DYDC2: variants seen among roughly 807,000 people sequenced by gnomAD.
DYDC2 encodes the protein DPY30 domain-containing protein 2.
DYDC2 carries 19 observed loss-of-function variants against 18.7 expected under a neutral mutation model. The ratio of observed to expected loss-of-function variants is 1.02; its 90% CI spans 0.71 to 1.49. The LOEUF is 1.49. Among genes scored for constraint, DYDC2 ranks in the 40% most tolerant of loss-of-function variants. The pLI is 0.00. For missense variants in DYDC2, 179 were observed against 205.1 expected, an observed-to-expected ratio of 0.87 and a Z score of 0.78; for synonymous variants, 63 against 67.6, an observed-to-expected ratio of 0.93 and a Z score of 0.34.
chr10:80,353,660 G>T (rs1843150454), upstream of DYDC2, among the ~76,000 whole-genome samples: 1 of 150,920 alleles, frequency 6.6e-6, no homozygotes, highest in South Asian at 2.1e-4. Context: ...GACCATCCTG[G>T]CTAACGGATC....
Position 80,366,974 on chromosome 10 carries a change from G to A in DYDC2, c.*23G>A, listed in dbSNP as rs762059512. Reference sequence around the variant, plus strand: ...TAGGTTACAGAAGGTAGATGCTTCTGATTTACTTCTCTCAAAGCTAGAAGC... The same window carrying A: ...TAGGTTACAGAAGGTAGATGCTTCTAATTTACTTCTCTCAAAGCTAGAAGC... On this transcript the variant is annotated 3_prime_UTR_variant, in exon 5 of 5. Transcript: ENST00000256039. 1 of 1,585,148 alleles carries A rather than the reference G, an allele frequency of 6.3e-7. No homozygotes were observed. The highest frequency in any genetic ancestry group is 2.2e-5 in the East Asian group (1 of 44,666).
intron 2 of DYDC2, among the ~76,000 whole-genome samples, chr10:80,359,037 G>A (rs941853436): frequency 2.0e-5 from 3 of 152,202 alleles, no homozygotes; most frequent in Admixed American, 6.5e-5. Flanking sequence ...AGCTTCCAGT[G>A]TGGAAGGGAA....
At chr10:80,348,736 G>A (rs1365253869) in intron 1 of DYDC2, among the ~76,000 whole-genome samples, 1 of 152,162 alleles carries the variant, frequency 6.6e-6, no homozygotes, top group African/African-American at 2.4e-5. Context: ...CAAACAGCAA[G>A]AGAAAAACAA....
Position 80,362,599 on chromosome 10 carries a change from G to A in DYDC2, c.147+9G>A. 6.3e-7 allele frequency: 1 copy of A among 1,599,424 alleles called. No individual in the cohort carries two copies. Among genetic ancestry groups the A allele is most frequent in the Non-Finnish European group, 8.6e-7 (1 of 1,168,982 alleles). Reference sequence around the variant, plus strand: ...CAAAAGCAAAAGAAGAGGTGTGTATGTGCACTGGGACTTAGGGAGGGCCCA... The same window carrying A: ...CAAAAGCAAAAGAAGAGGTGTGTATATGCACTGGGACTTAGGGAGGGCCCA... On this transcript the variant is annotated intron_variant, in intron 3 of 4. Coordinates refer to ENST00000256039, the MANE Select transcript of DYDC2 (RefSeq NM_032372.6).
At chr10:80,356,535 G>A (rs1843378505), upstream of DYDC2, 1 of 985,520 alleles carries the variant, frequency 1.0e-6, no homozygotes, top group Non-Finnish European at 1.2e-6. Context: ...CTCAGGGGGA[G>A]CAGGAGGACA....
At chr10:80,357,782 A>C in intron 1 of DYDC2, 111 bp from the exon 2 acceptor site, 2 of 985,638 alleles carry the variant, frequency 2.0e-6, no homozygotes, top group Non-Finnish European at 2.4e-6. Flanking sequence ...AGAGGCCTTA[A>C]TAGATGTTAG....
At chr10:80,351,227 A>G (rs1375269013) in intron 1 of DYDC2, among the ~76,000 whole-genome samples, 3 of 152,058 alleles carry the variant, frequency 2.0e-5, no homozygotes, top group Admixed American at 2.0e-4. Context: ...GCTTCCACCA[A>G]CACCATTCTC....
At chr10:80,362,390 G>C (rs370048619) in intron 2 of DYDC2, 45 bp from the exon 3 acceptor site, 1 of 1,582,558 alleles carries the variant, frequency 6.3e-7, no homozygotes. Flanking sequence ...TTTAATATCA[G>C]ATTAAGTTTG....
At chr10:80,361,188 C>T (rs1843656582) in intron 2 of DYDC2, among the ~76,000 whole-genome samples, 1 of 151,900 alleles carries the variant, frequency 6.6e-6, no homozygotes, top group Non-Finnish European at 1.5e-5. Flanking sequence ...ATACCCTCAA[C>T]ATTTTTAAGA....
chr10:80,347,677 C>G (rs1286847216), intron 1 of DYDC2, among the ~76,000 whole-genome samples: 1 of 152,136 alleles, frequency 6.6e-6, no homozygotes, highest in Non-Finnish European at 1.5e-5. Flanking sequence ...ATGTGGATAT[C>G]CAGTTGTCCC....
chr10:80,361,593 C>G (rs1398129787), intron 2 of DYDC2, among the ~76,000 whole-genome samples: 3 of 152,104 alleles, frequency 2.0e-5, no homozygotes, highest in African/African-American at 4.8e-5. Context: ...CATTATTTTC[C>G]CCACATTTAT....
chr10:80,361,237 C>T (rs1468178898), intron 2 of DYDC2, among the ~76,000 whole-genome samples: 1 of 151,878 alleles, frequency 6.6e-6, no homozygotes, highest in Admixed American at 6.6e-5. Flanking sequence ...GATGTTTCTT[C>T]AATTACATTC....
chr10:80,362,067 C>G (rs892092851), intron 2 of DYDC2, among the ~76,000 whole-genome samples: 11 of 152,196 alleles, frequency 7.2e-5, no homozygotes, highest in Non-Finnish European at 1.6e-4. Flanking sequence ...ATATGGATAT[C>G]TGTCTACTTG....
chr10:80,350,068 C>G (rs532226866), intron 1 of DYDC2, among the ~76,000 whole-genome samples: 143 of 152,148 alleles, frequency 9.4e-4, no homozygotes, highest in Non-Finnish European at 1.5e-3. Context: ...ATCTCAGCCA[C>G]ACTCTCTCAA....
At chr10:80,365,210 T>C (rs1934696) in intron 4 of DYDC2, among the ~76,000 whole-genome samples, 114,817 of 152,138 alleles carry the variant, frequency 0.75, 44,224 homozygotes, top group East Asian at 0.97. Flanking sequence ...TCTTTAAGTA[T>C]CCCAGATTGA....
chr10:80,362,565 G>A lies in DYDC2; in HGVS notation c.122G>A (p.Arg41Lys), dbSNP rs552022502. The A allele has an allele frequency of 2.9e-5, 46 of 1,611,998 alleles. No homozygotes were observed. Among genetic ancestry groups the A allele is most frequent in the Non-Finnish European group, 3.7e-5 (44 of 1,178,434 alleles). ...CTGGCTCACTGGCTTTATCATTACA[G>A]GAAAACAGCAAAAGCAAAAGAAGAG... ...EYLAHWLYHY[R>K]KTAKAKEENR... Residue 41 changes from arginine (R) to lysine (K), a missense_variant, in exon 3 of 5, where the codon AGG becomes AAG. Arg to Lys is a conservative substitution (Grantham distance 26). Transcript: ENST00000256039.
intron 2 of DYDC2, 142 bp from the exon 3 acceptor site, chr10:80,362,293 T>G: frequency 4.2e-6 from 5 of 1,187,738 alleles, no homozygotes; most frequent in Non-Finnish European, 5.8e-6. Context: ...CAAGTAAGTG[T>G]TTGTTGGTTC....
intron 1 of DYDC2, among the ~76,000 whole-genome samples, chr10:80,345,136 T>C (rs1422723048): frequency 6.6e-6 from 1 of 152,208 alleles, no homozygotes; most frequent in Non-Finnish European, 1.5e-5. Flanking sequence ...GAATCTATTA[T>C]GTGTTATTGA....
chr10:80,350,631 G>T (rs949197929), intron 1 of DYDC2, among the ~76,000 whole-genome samples: 2 of 152,210 alleles, frequency 1.3e-5, no homozygotes, highest in African/African-American at 4.8e-5. Flanking sequence ...GGGATAGGAG[G>T]TTAGTCAGAG....
Sources: allele counts gnomAD v4.1 joint callset (sites outside exome capture counted in the v4.1 genomes callset), GRCh38; gene constraint gnomAD v4.1.1; transcripts MANE v1.5; gene names NCBI Gene and HGNC (gene_info 2026-07-23, HGNC 2026-07-21).